Variants in SCOC observed in about 807,000 individuals in gnomAD.
The protein encoded by SCOC is short coiled coil protein.
In SCOC, 7 loss-of-function variants were observed where a neutral mutation model predicts 9.9. The ratio of observed to expected loss-of-function variants is 0.71; its 90% CI spans 0.40 to 1.33. The LOEUF is 1.33. Ranked by LOEUF, SCOC falls within the 40% of genes most tolerant of loss-of-function variation. SCOC has a pLI of 0.01. For synonymous variants in SCOC, 19 were observed against 28.2 expected, an observed-to-expected ratio of 0.67 and a Z score of 1.03; for missense variants, 66 against 89.7, an observed-to-expected ratio of 0.74 and a Z score of 1.07.
rs1728623324 is a variant in SCOC at position 140,383,223 on chromosome 4, T to A, written c.*2119T>A. The A allele has an allele frequency of 6.6e-6, 1 of 152,166 alleles. No homozygotes were observed. Among genetic ancestry groups the A allele is most frequent in the African/African-American group, 2.4e-5 (1 of 41,444 alleles). 9.4% of individuals were successfully genotyped at this position (152,166 alleles called of 1,614,324 possible). A position where few individuals can be genotyped will look rare whatever the true frequency, so the allele number is the denominator to read the frequency against. The stretch of plus-strand genomic sequence containing the variant: ...GGCTGCTAGCAGCCTCAGCCACAGC[T>A]CTTCTTGTGCTACCAAGTATCTTCC... On this transcript the variant is annotated 3_prime_UTR_variant, in exon 4 of 4. Coordinates refer to ENST00000608372, the MANE Select transcript of SCOC (RefSeq NM_001153484.2).
chr4:140,285,329 C>G (rs963829248), intron 1 of SCOC: 4 of 454,704 alleles, frequency 8.8e-6, no homozygotes, highest in African/African-American at 2.0e-5. Flanking sequence ...TGTGGTAGAG[C>G]ATATCTTTGT....
intron 2 of SCOC, among the ~76,000 whole-genome samples, chr4:140,348,652 T>G (rs1726847493): frequency 6.6e-6 from 1 of 152,172 alleles, no homozygotes; most frequent in Admixed American, 6.5e-5. Flanking sequence ...TCTTGGCTAT[T>G]GTGAATTATG....
intron 1 of SCOC, 37 bp downstream of exon 1, chr4:140,373,754 A>G (rs539829912): frequency 3.8e-4 from 582 of 1,529,886 alleles, no homozygotes; most frequent in Non-Finnish European, 4.9e-4. Flanking sequence ...GCCTGGCCCC[A>G]GGCGACTAGA....
intron 1 of SCOC, among the ~76,000 whole-genome samples, chr4:140,312,217 C>T (rs1028144514): frequency 2.0e-5 from 3 of 152,104 alleles, no homozygotes; most frequent in Non-Finnish European, 4.4e-5. Context: ...TCAGTGGAGG[C>T]ATTTCTAATT....
chr4:140,362,305 T>TCTTGTTCTTCTTCTTCTTC (rs1357436782), intron 2 of SCOC, among the ~76,000 whole-genome samples: 1 of 9,238 alleles, frequency 1.1e-4, no homozygotes, highest in African/African-American at 3.2e-4. Flanking sequence ...TCTTCTTTTT[T>TCTTGTTCTTCTTCTTCTTC]TTTTTTTTTT....
rs1262613913 is a variant in SCOC, at chr4:140,338,066, T to C, written c.-18-5555T>C. On this transcript the variant is annotated intron_variant, in intron 1 of 4. Coordinates refer to the SCOC transcript ENST00000394205. ...AATCCTCAATAAAATACTGCCAAAC[T>C]GAATCCAGCAGCACATCAAAAAGCT... Among the ~76,000 whole-genome samples the C allele has an allele frequency of 2.4e-4, 36 of 152,248 alleles. No individual in the cohort carries two copies. In the South Asian group the frequency reaches 6.8e-3, roughly 29 times the overall value.
At chr4:140,344,811 G>C (rs554017699) in intron 2 of SCOC, among the ~76,000 whole-genome samples, 6 of 152,300 alleles carry the variant, frequency 3.9e-5, no homozygotes, top group African/African-American at 1.4e-4. Flanking sequence ...GCTTCGGGAG[G>C]CGAGATGAGC....
Position 140,362,303 on chromosome 4 carries a change from T to TC in SCOC, c.71-16818_71-16817insC, listed in dbSNP as rs1253683051. Among the ~76,000 whole-genome samples the TC allele has an allele frequency of 1.9e-3, 84 of 44,200 alleles. 3 individuals are homozygous for TC. Among genetic ancestry groups the TC allele is most frequent in the East Asian group, 3.3e-3 (6 of 1,832 alleles). The allele number at this position is 44,200 out of a possible 152,430, so 29.0% of individuals were successfully genotyped here. ...CTTCTTCTTCTTCTTCTTCTTCTTT[T>TC]TTTTTTTTTTTTGTGAGAGTCTCGC... is the stretch of plus-strand genomic sequence containing the variant. On this transcript the variant is annotated intron_variant, in intron 2 of 4. Transcript: ENST00000338517.
upstream of SCOC, among the ~76,000 whole-genome samples, chr4:140,372,496 C>G (rs1393566605): frequency 6.6e-6 from 1 of 152,154 alleles, no homozygotes; most frequent in Non-Finnish European, 1.5e-5. Flanking sequence ...CATCCATTCT[C>G]TCTAGTCTCT....
rs1196602580 is a variant in SCOC at position 140,379,594 on chromosome 4, A to G, written c.48A>G (p.Glu16=). 1 of 1,612,626 alleles carries G rather than the reference A, an allele frequency of 6.2e-7. No individual in the cohort carries two copies. The highest frequency in any genetic ancestry group is 2.2e-5 in the East Asian group (1 of 44,802). ...CAGTTGATGCTGAAAATCAAGTGGA[A>G]CTGGAGGAAAAAACAAGACTTATTA... The part of the protein sequence containing the change: ...MDAVDAENQV[E]LEEKTRLINQ... Residue 16 remains glutamate (E), a synonymous_variant, in exon 3 of 4, where the codon GAA becomes GAG. Transcript: ENST00000608372.
chr4:140,337,970 C>A (rs576476797), intron 1 of SCOC, among the ~76,000 whole-genome samples: 134 of 152,304 alleles, frequency 8.8e-4, no homozygotes, highest in African/African-American at 2.6e-3. Flanking sequence ...CATCCTCATA[C>A]CAAAGCCTGG....
chr4:140,258,792 T>G (rs531815896), intron 1 of SCOC, among the ~76,000 whole-genome samples: 124 of 152,348 alleles, frequency 8.1e-4, no homozygotes, highest in South Asian at 1.9e-3. Context: ...TATAGTTCCA[T>G]TTTTTGAAAT....
chr4:140,304,392 C>T (rs1267975223), intron 1 of SCOC, among the ~76,000 whole-genome samples: 2 of 151,986 alleles, frequency 1.3e-5, no homozygotes, highest in Non-Finnish European at 2.9e-5. Context: ...GTTAGATATC[C>T]TGGTAGGACT....
intron 1 of SCOC, among the ~76,000 whole-genome samples, chr4:140,336,778 T>A (rs1309147213): frequency 6.6e-6 from 1 of 152,242 alleles, no homozygotes. Context: ...GATAACTCTA[T>A]GTTTAACTTT....
At chr4:140,268,231 G>T (rs558787219) in intron 1 of SCOC, among the ~76,000 whole-genome samples, 1 of 152,252 alleles carries the variant, frequency 6.6e-6, no homozygotes, top group Non-Finnish European at 1.5e-5. Context: ...AATTACTGTC[G>T]CATTCTTGGG....
intron 1 of SCOC, among the ~76,000 whole-genome samples, chr4:140,374,994 G>C (rs1193231008): frequency 6.6e-6 from 1 of 152,196 alleles, no homozygotes; most frequent in Non-Finnish European, 1.5e-5. Flanking sequence ...TATGACAGAT[G>C]GTGAAATCAA....
chr4:140,313,935 C>T (rs1732233452), intron 1 of SCOC, among the ~76,000 whole-genome samples: 1 of 151,998 alleles, frequency 6.6e-6, no homozygotes, highest in Admixed American at 6.5e-5. Flanking sequence ...CCAGACCAGC[C>T]TGGCCAACAT....
chr4:140,285,839 T>G (rs981062313), intron 1 of SCOC, among the ~76,000 whole-genome samples: 1 of 152,124 alleles, frequency 6.6e-6, no homozygotes, highest in Admixed American at 6.6e-5. Context: ...TGAAGGCATA[T>G]CCTCCAATCT....
At chr4:140,317,050 G>A (rs962376761) in intron 1 of SCOC, among the ~76,000 whole-genome samples, 3 of 152,088 alleles carry the variant, frequency 2.0e-5, no homozygotes, top group African/African-American at 7.2e-5. Flanking sequence ...CTGTTCCACA[G>A]GTTTCCACGA....
Sources: gnomAD v4.1 joint callset for allele counts (sites outside exome capture counted in the v4.1 genomes callset) on GRCh38, gnomAD v4.1.1 for gene constraint, MANE v1.5 for transcripts, NCBI Gene and HGNC (gene_info 2026-07-23, HGNC 2026-07-21) for gene names.